The following UNC13C variants were observed in gnomAD, a reference collection of about 807,000 sequenced individuals.
UNC13C encodes unc-13 homolog C.
Under a neutral mutation model 245.4 loss-of-function variants are expected in UNC13C, and 174 were observed. That is an observed-to-expected ratio of 0.71 (90% CI 0.63 to 0.80). The LOEUF is 0.80. Ranked by LOEUF, UNC13C falls within the 30% of genes least tolerant of loss-of-function variation. UNC13C has a pLI of 0.00. For missense variants in UNC13C, 2,829 were observed against 2,602.9 expected (o/e 1.09, Z -1.89); for synonymous variants, 992 against 895.1 (o/e 1.11, Z -1.93).
At chr15:53,877,231 C>T in the UNC13C span, among the ~76,000 whole-genome samples, 4 of 152,138 alleles carry the variant, frequency 2.6e-5, no homozygotes, top group African/African-American at 9.7e-5. Flanking sequence ...TATGCAAAAG[C>T]ACATCAGTGT....
chr15:54,512,975 C>T (rs1894817099), intron 24 of UNC13C, among the ~76,000 whole-genome samples: 1 of 152,054 alleles, frequency 6.6e-6, no homozygotes, highest in African/African-American at 2.4e-5. Context: ...TGTGATGATG[C>T]AAAACTTTAA....
chr15:54,608,322 G>C (rs1230745241), intron 30 of UNC13C, among the ~76,000 whole-genome samples: 2 of 152,192 alleles, frequency 1.3e-5, no homozygotes, highest in African/African-American at 4.8e-5. Flanking sequence ...TTGTCCTCAT[G>C]ATCTTGTGAA....
the UNC13C span, among the ~76,000 whole-genome samples, chr15:53,955,266 T>TAC: frequency 0.04 from 6,025 of 149,608 alleles, 396 homozygotes; most frequent in African/African-American, 0.14. Flanking sequence ...GACTTTTTCT[T>TAC]ACACACACAC....
chr15:54,098,127 G>A (rs946722694), intron 2 of UNC13C, among the ~76,000 whole-genome samples: 1 of 152,122 alleles, frequency 6.6e-6, no homozygotes, highest in Non-Finnish European at 1.5e-5. Flanking sequence ...GGATAGCTGG[G>A]CTAAAGCACA....
chr15:54,289,585 T>G (rs2037238955), intron 10 of UNC13C, among the ~76,000 whole-genome samples: 1 of 152,034 alleles, frequency 6.6e-6, no homozygotes, highest in Non-Finnish European at 1.5e-5. Context: ...CACAGTCCAC[T>G]TTGGTTAGTT....
chr15:54,454,533 A>G (rs1295089486), intron 19 of UNC13C, among the ~76,000 whole-genome samples: 10 of 150,868 alleles, frequency 6.6e-5, no homozygotes, highest in African/African-American at 2.2e-4. Flanking sequence ...AGCTGAGATC[A>G]CACCATTATA....
intron 19 of UNC13C, among the ~76,000 whole-genome samples, chr15:54,449,538 C>T (rs1020599467): frequency 1.3e-5 from 2 of 152,206 alleles, no homozygotes; most frequent in African/African-American, 2.4e-5. Context: ...TATTCAATCA[C>T]TGATACCCTT....
chr15:54,318,613 G>T (rs955707805), intron 13 of UNC13C, among the ~76,000 whole-genome samples: 1 of 151,772 alleles, frequency 6.6e-6, no homozygotes, highest in African/African-American at 2.4e-5. Flanking sequence ...GTTCTTATAT[G>T]GTTTGGGTAT....
chr15:54,280,439 T>G (rs1000498031), intron 10 of UNC13C, among the ~76,000 whole-genome samples: 29 of 151,520 alleles, frequency 1.9e-4, no homozygotes, highest in Admixed American at 7.9e-4. Context: ...ATACTAATAC[T>G]AAATAATAAC....
chr15:54,127,064 G>A (rs986412356), intron 2 of UNC13C, among the ~76,000 whole-genome samples: 3 of 152,164 alleles, frequency 2.0e-5, no homozygotes, highest in Non-Finnish European at 4.4e-5. Flanking sequence ...AATAGGTGGT[G>A]GAGAAGCTGT....
In UNC13C at chr15:54,622,366, A is replaced by T. The variant is rs1462981205; in HGVS notation, c.6146A>T (p.His2049Leu). 6 of 1,613,380 alleles carry T rather than the reference A, an allele frequency of 3.7e-6. No homozygotes were observed. Among genetic ancestry groups the T allele is most frequent in the Non-Finnish European group, 5.1e-6 (6 of 1,179,484 alleles). ...GATGCCGTGGGTCAGATATCTGTTCATGTGGACATCACTGCCACCCCAGGA... is the reference window on the plus strand; with the variant it reads ...GATGCCGTGGGTCAGATATCTGTTCTTGTGGACATCACTGCCACCCCAGGA... ...SKDAVGQISVHVDITATPGTG... is the reference protein window; with the variant it reads ...SKDAVGQISVLVDITATPGTG... Residue 2049 changes from histidine (H) to leucine (L), a missense_variant, in exon 31 of 33, where the codon CAT becomes CTT. Coordinates refer to ENST00000260323, the MANE Select transcript of UNC13C (RefSeq NM_001080534.3).
intron 19 of UNC13C, among the ~76,000 whole-genome samples, chr15:54,454,570 G>GA (rs60702966): frequency 0.52 from 61,510 of 118,942 alleles, 13,048 homozygotes; most frequent in Middle Eastern, 0.57. Flanking sequence ...AATAGTGGGG[G>GA]AAAAAAAAAA....
At chr15:54,508,454 C>A (rs897794512) in intron 23 of UNC13C, among the ~76,000 whole-genome samples, 1 of 151,834 alleles carries the variant, frequency 6.6e-6, no homozygotes, top group African/African-American at 2.4e-5. Flanking sequence ...AAATCATAAC[C>A]CAGTATTTAT....
intron 19 of UNC13C, among the ~76,000 whole-genome samples, chr15:54,483,329 A>G (rs1238668985): frequency 6.6e-6 from 1 of 152,218 alleles, no homozygotes; most frequent in African/African-American, 2.4e-5. Flanking sequence ...ATTCACCTGA[A>G]TGCTTATTCC....
chr15:54,434,386 A>G (rs1466815873), intron 19 of UNC13C, among the ~76,000 whole-genome samples: 12 of 152,158 alleles, frequency 7.9e-5, no homozygotes, highest in Non-Finnish European at 1.3e-4. Context: ...ACCAAACCAG[A>G]TGTATAGACC....
At chr15:54,139,949 T>C (rs1419390202) in intron 2 of UNC13C, among the ~76,000 whole-genome samples, 1 of 152,168 alleles carries the variant, frequency 6.6e-6, no homozygotes, top group East Asian at 1.9e-4. Context: ...CTAGTGCTTC[T>C]CTTTGTCTTT....
At chr15:54,056,577 A>G (rs1189968409) in intron 2 of UNC13C, among the ~76,000 whole-genome samples, 1 of 152,196 alleles carries the variant, frequency 6.6e-6, no homozygotes, top group Non-Finnish European at 1.5e-5. Flanking sequence ...CTAACAAGGC[A>G]GGCCAACATT....
At chr15:53,891,555 C>T in the UNC13C span, among the ~76,000 whole-genome samples, 3 of 152,222 alleles carry the variant, frequency 2.0e-5, no homozygotes, top group East Asian at 3.9e-4. Context: ...GTATTGGGTA[C>T]ATATATATTT....
intron 17 of UNC13C, among the ~76,000 whole-genome samples, chr15:54,361,232 A>C (rs1214026309): frequency 6.6e-6 from 1 of 151,762 alleles, no homozygotes; most frequent in East Asian, 1.9e-4. Flanking sequence ...TCTTTGATCA[A>C]GTCTATTGTT....
Sources: allele counts gnomAD v4.1 joint callset (sites outside exome capture counted in the v4.1 genomes callset), GRCh38; gene constraint gnomAD v4.1.1; transcripts MANE v1.5; gene names NCBI Gene and HGNC (gene_info 2026-07-23, HGNC 2026-07-21).